Variants in ZNF57 observed in about 807,000 individuals in gnomAD.
ZNF57 encodes the protein zinc finger protein 57.
Under a neutral mutation model 13.4 loss-of-function variants are expected in ZNF57, and 11 were observed. The ratio of observed to expected loss-of-function variants is 0.82; its 90% CI spans 0.52 to 1.36. The LOEUF is 1.36. Among genes scored for constraint, ZNF57 ranks in the 40% most tolerant of loss-of-function variants. The pLI is 0.00. For missense variants in ZNF57, 696 were observed against 667.5 expected (o/e 1.04, Z -0.47); for synonymous variants, 224 against 238.5 (o/e 0.94, Z 0.56).
intron 1 of ZNF57, 131 bp from the exon 2 acceptor site, chr19:2,915,390 AG>A (rs1242969512): frequency 8.1e-7 from 1 of 1,227,052 alleles, no homozygotes; most frequent in African/African-American, 1.5e-5. Context: ...AATAAGTAAA[AG>A]ATCTAACATT....
Position 2,916,400 on chromosome 19 carries a change from T to G in ZNF57, c.302+151T>G, listed in dbSNP as rs1012024742. The G allele has an allele frequency of 8.4e-6, 6 of 711,984 alleles. No homozygotes were observed. In the African/African-American group the frequency reaches 1.1e-4, roughly 13 times the overall value. 44.1% of individuals were successfully genotyped at this position (711,984 alleles called of 1,614,324 possible). A position where few individuals can be genotyped will look rare whatever the true frequency, so the allele number is the denominator to read the frequency against. ...GTATTTGACTAAGACATTGAGAATT[T>G]GAAACATAATTGTTAGAAGTAATTA... is the stretch of plus-strand genomic sequence containing the variant. On this transcript the variant is annotated intron_variant, in intron 3 of 3. Coordinates refer to ENST00000306908, the MANE Select transcript of ZNF57 (RefSeq NM_173480.3).
At position 2,918,301 on chromosome 19, in the gene ZNF57, A is replaced by ATAAC. The variant is rs746858784; in HGVS notation, c.*14_*17dup. The ATAAC allele has an allele frequency of 1.5e-5, 24 of 1,572,436 alleles. No individual in the cohort carries two copies. The highest frequency in any genetic ancestry group is 2.0e-5 in the Non-Finnish European group (23 of 1,160,044). ...AGAGCACACACTAAAGAGAAATTCT[A>ATAAC]TAACTTTAATGGGGTAACCTCACAT... On this transcript the variant is annotated 3_prime_UTR_variant, in exon 4 of 4. Transcript: ENST00000306908.
chr19:2,903,675 T>C (rs1047940006), intron 1 of ZNF57, among the ~76,000 whole-genome samples: 1 of 152,010 alleles, frequency 6.6e-6, no homozygotes, highest in Non-Finnish European at 1.5e-5. Context: ...CTTTACCATT[T>C]ATTATTTATC....
chr19:2,915,861 G>A, intron 2 of ZNF57: 2 of 950,126 alleles, frequency 2.1e-6, no homozygotes, highest in Non-Finnish European at 3.3e-6. Flanking sequence ...AGTTCCTTTA[G>A]TGTCATTAGT....
In ZNF57 at chr19:2,915,506, G is replaced by C. The variant is rs1249103394; in HGVS notation, c.4-16G>C. 3 of 1,612,798 alleles carry C rather than the reference G, an allele frequency of 1.9e-6. No individual in the cohort carries two copies. Among genetic ancestry groups the C allele is most frequent in the Non-Finnish European group, 2.5e-6 (3 of 1,179,254 alleles). ...GTGTCTCCAATCCTCCTGCACACCT[G>C]TGTGGTTTGTCTTAGGACTCAGTGG... On this transcript the variant is annotated splice_polypyrimidine_tract_variant and intron_variant, in intron 1 of 3. Coordinates refer to ENST00000306908, the MANE Select transcript of ZNF57 (RefSeq NM_173480.3).
chr19:2,912,078 C>G (rs10418147), intron 1 of ZNF57: 130,216 of 152,202 alleles, frequency 0.86, 56,039 homozygotes, highest in Middle Eastern at 0.91. Flanking sequence ...CTTTAGTAAC[C>G]CAGTGGTGAG....
At chr19:2,908,930 C>CT (rs2144924643) in intron 1 of ZNF57, among the ~76,000 whole-genome samples, 1 of 151,690 alleles carries the variant, frequency 6.6e-6, no homozygotes, top group African/African-American at 2.4e-5. Context: ...TTCTTTTGTT[C>CT]TTTTGACATT....
At position 2,917,487 on chromosome 19, in the gene ZNF57, TCA is replaced by T; in HGVS notation, c.868_869del (p.Thr290LeufsTer9). 1 of 1,613,642 alleles carries T rather than the reference TCA, an allele frequency of 6.2e-7. No homozygotes were observed. Among genetic ancestry groups the T allele is most frequent in the Non-Finnish European group, 8.5e-7 (1 of 1,179,794 alleles). ...AAATGTCAGCACTGTGGGAAAGCCTTCACTTACCCCCAGGCTTTTCAAAGACA... is the reference window on the plus strand; with the variant it reads ...AAATGTCAGCACTGTGGGAAAGCCTTCTTACCCCCAGGCTTTTCAAAGACA... On this transcript the variant is annotated frameshift_variant, in exon 4 of 4. Coordinates refer to ENST00000306908, the MANE Select transcript of ZNF57 (RefSeq NM_173480.3). LOFTEE classifies it low-confidence loss of function (END_TRUNC).
At chr19:2,913,372 CTTAGGT>C (rs1460511187) in intron 1 of ZNF57, among the ~76,000 whole-genome samples, 1 of 152,068 alleles carries the variant, frequency 6.6e-6, no homozygotes, top group African/African-American at 2.4e-5. Context: ...CTCCTAATTG[CTTAGGT>C]TTAGTTTTAT....
intron 1 of ZNF57, 58 bp from the exon 2 acceptor site, chr19:2,915,464 G>T: frequency 1.3e-6 from 2 of 1,583,808 alleles, no homozygotes; most frequent in Non-Finnish European, 1.7e-6. Context: ...ATTGAGTCCA[G>T]TTCCCCAGTA....
At chr19:2,906,520 G>C (rs1304103715) in intron 1 of ZNF57, among the ~76,000 whole-genome samples, 1 of 152,192 alleles carries the variant, frequency 6.6e-6, no homozygotes, top group African/African-American at 2.4e-5. Context: ...TTGTGGAGTT[G>C]ATTGCACAGC....
At chr19:2,913,957 A>ATTGT (rs1213758121) in intron 1 of ZNF57, among the ~76,000 whole-genome samples, 1 of 151,746 alleles carries the variant, frequency 6.6e-6, no homozygotes, top group Non-Finnish European at 1.5e-5. Context: ...TTGTATTTCT[A>ATTGT]TTGTTTAAAA....
At chr19:2,909,319 C>G (rs186632711) in intron 1 of ZNF57, among the ~76,000 whole-genome samples, 1 of 76,560 alleles carries the variant, frequency 1.3e-5, no homozygotes, top group South Asian at 5.4e-4. Context: ...CTCGCTCTGT[C>G]GCCCAGGCTG....
chr19:2,905,413 C>CG lies in ZNF57; in HGVS notation c.3+4365_3+4366insG, dbSNP rs1555677388. Among the ~76,000 whole-genome samples the CG allele has an allele frequency of 7.3e-4, 51 of 69,940 alleles. 17 individuals are homozygous for CG. The highest frequency in any genetic ancestry group is 3.9e-3 in the Admixed American group (39 of 10,042). 45.9% of individuals were successfully genotyped at this position (69,940 alleles called of 152,430 possible). A position where few individuals can be genotyped will look rare whatever the true frequency, so the allele number is the denominator to read the frequency against. ...CTCTTGACTTCAGGTGATCGCCCCC[C>CG]CCCCCTCGGCATTCCAAAGTATTTG... On this transcript the variant is annotated intron_variant, in intron 1 of 3. Coordinates refer to ENST00000306908, the MANE Select transcript of ZNF57 (RefSeq NM_173480.3).
Position 2,917,846 on chromosome 19 carries a change from G to T in ZNF57, c.1225G>T (p.Gly409Cys). ...KAFTSSRSFR[G>C]HLRTHTGEKP... The stretch of plus-strand genomic sequence containing the variant: ...TTTTACCTCTTCCAGATCATTCCGA[G>T]GTCATTTGAGGACGCACACTGGAGA... Residue 409 changes from glycine (G) to cysteine (C), a missense_variant, in exon 4 of 4, where the codon GGT becomes TGT. This residue lies in a region of ZNF57 where 645 missense variants were observed against 591.5 expected (regional missense o/e 1.09). Transcript: ENST00000306908. 6.2e-7 allele frequency: 1 copy of T among 1,609,790 alleles called. No homozygotes were observed. The highest frequency in any genetic ancestry group is 1.1e-5 in the South Asian group (1 of 90,598).
In ZNF57 at chr19:2,905,416, C is replaced by CCCG. The variant is rs1555677401; in HGVS notation, c.3+4370_3+4371insGCC. ...TTGACTTCAGGTGATCGCCCCCCCC[C>CCCG]CCTCGGCATTCCAAAGTATTTGCAT... On this transcript the variant is annotated intron_variant, in intron 1 of 3. Coordinates refer to ENST00000306908, the MANE Select transcript of ZNF57 (RefSeq NM_173480.3). 6.8e-5 allele frequency among the ~76,000 whole-genome samples: 5 copies of CCCG among 74,036 alleles called. 1 individual carries two copies. Among genetic ancestry groups the CCCG allele is most frequent in the East Asian group, 2.5e-4 (1 of 4,000 alleles). 48.6% of individuals were successfully genotyped at this position (74,036 alleles called of 152,430 possible).
intron 2 of ZNF57, 111 bp from the exon 3 acceptor site, chr19:2,915,967 C>G: frequency 8.4e-7 from 1 of 1,192,856 alleles, no homozygotes; most frequent in Non-Finnish European, 1.2e-6. Context: ...AACATTTTGA[C>G]CCCTTATGTC....
At chr19:2,914,776 T>C (rs1414293262) in intron 1 of ZNF57, among the ~76,000 whole-genome samples, 2 of 152,164 alleles carry the variant, frequency 1.3e-5, no homozygotes, top group Non-Finnish European at 2.9e-5. Context: ...TATGAATACA[T>C]GCTACATCCA....
At chr19:2,909,307 G>C (rs1398664427) in intron 1 of ZNF57, among the ~76,000 whole-genome samples, 1 of 76,246 alleles carries the variant, frequency 1.3e-5, no homozygotes, top group Non-Finnish European at 2.6e-5. Context: ...TTGAGACAGA[G>C]TCTCGCTCTG....
Sources: gnomAD v4.1 joint callset for allele counts (sites outside exome capture counted in the v4.1 genomes callset) on GRCh38, gnomAD v4.1.1 for gene constraint, gnomAD v4.1.1 regional missense constraint, MANE v1.5 for transcripts, NCBI Gene and HGNC (gene_info 2026-07-23, HGNC 2026-07-21) for gene names.